The following DGKD variants were observed in gnomAD, a reference collection of about 807,000 sequenced individuals.
DGKD encodes the protein DAG kinase delta.
DGKD carries 68 observed loss-of-function variants against 154.4 expected under a neutral mutation model. The observed-to-expected ratio is 0.44, with a 90% CI of 0.36 to 0.54. The LOEUF (loss-of-function observed/expected upper bound fraction) is 0.54, where lower values mean the gene tolerates loss of function less well. DGKD is among the 20% of genes least tolerant of loss of function. The probability of loss-of-function intolerance (pLI) is 0.00; values close to 1 mark genes in which losing one functional copy is unlikely to be tolerated. For synonymous variants in DGKD, 693 were observed against 638.0 expected (o/e 1.09, Z -1.30); for missense variants, 1,343 against 1,593.6 (o/e 0.84, Z 2.68).
chr2:233,451,115 A>C, intron 17 of DGKD, 65 bp downstream of exon 17: 1 of 1,546,960 alleles, frequency 6.5e-7, no homozygotes, highest in Non-Finnish European at 8.8e-7. Flanking sequence ...CGTCAAACTG[A>C]AAGAGATGGG....
intron 1 of DGKD, among the ~76,000 whole-genome samples, chr2:233,385,085 C>T (rs1439086732): frequency 6.6e-6 from 1 of 152,226 alleles, no homozygotes; most frequent in Non-Finnish European, 1.5e-5. Flanking sequence ...CAACCTCACC[C>T]TGTGCTTGGG....
At chr2:233,400,045 C>T (rs997034982) in intron 3 of DGKD, among the ~76,000 whole-genome samples, 1 of 152,220 alleles carries the variant, frequency 6.6e-6, no homozygotes, top group Non-Finnish European at 1.5e-5. Context: ...ATGATCACAG[C>T]ACCCCTGCAG....
rs369685273 is a variant in DGKD, at chr2:233,446,718, C to T, written c.1341C>T (p.Ser447=). Residue 447 remains serine (S), a synonymous_variant, in exon 12 of 30, where the codon AGC becomes AGT. Transcript: ENST00000264057. Reference sequence around the variant, plus strand: ...GCTGACCTTGTGTGTGCAGGTGGAGCGTCATGGCATACGAGGCCAAGCTCC... The same window carrying T: ...GCTGACCTTGTGTGTGCAGGTGGAGTGTCATGGCATACGAGGCCAAGCTCC... ...RASTKMLDRW[S]VMAYEAKLPR... 115 of 1,613,590 alleles carry T rather than the reference C, an allele frequency of 7.1e-5. No individual in the cohort carries two copies. Among genetic ancestry groups the T allele is most frequent in the Admixed American group, 3.8e-4 (23 of 59,982 alleles).
At chr2:233,453,734 G>C (rs1178511074) in intron 18 of DGKD, among the ~76,000 whole-genome samples, 1 of 152,198 alleles carries the variant, frequency 6.6e-6, no homozygotes, top group East Asian at 1.9e-4. Context: ...ACCCCAGTGT[G>C]ACCCTGGGGT....
At chr2:233,415,471 GT>G (rs1378979295) in intron 3 of DGKD, among the ~76,000 whole-genome samples, 4 of 152,164 alleles carry the variant, frequency 2.6e-5, no homozygotes, top group African/African-American at 7.2e-5. Flanking sequence ...TGGAGACCCA[GT>G]ATTTTAGCTA....
intron 3 of DGKD, among the ~76,000 whole-genome samples, chr2:233,422,190 G>A (rs1014461041): frequency 2.6e-5 from 4 of 152,208 alleles, no homozygotes; most frequent in African/African-American, 9.6e-5. Flanking sequence ...GGGCTGGCCC[G>A]CCCCACCCAG....
chr2:233,397,587 A>G (rs1178890959), intron 3 of DGKD, among the ~76,000 whole-genome samples: 1 of 148,710 alleles, frequency 6.7e-6, no homozygotes, highest in Non-Finnish European at 1.5e-5. Flanking sequence ...AGTGGCTGGC[A>G]GAGGCCAGAG....
chr2:233,394,690 C>CTTTTTTTTTTTTTTTTTTTTTTTTTTT (rs1703879704), intron 3 of DGKD, among the ~76,000 whole-genome samples: 4 of 83,250 alleles, frequency 4.8e-5, no homozygotes, highest in Non-Finnish European at 9.4e-5. Flanking sequence ...AATTTAATTC[C>CTTTTTTTTTTTTTTTTTTTTTTTTTTT]CTTTTTTTTT....
At chr2:233,363,233 G>T (rs1049030281) in intron 1 of DGKD, among the ~76,000 whole-genome samples, 2 of 152,208 alleles carry the variant, frequency 1.3e-5, no homozygotes, top group African/African-American at 4.8e-5. Context: ...GGGATAGGAT[G>T]TGGAGGCGGA....
chr2:233,450,034 C>G lies in DGKD; in HGVS notation c.1941C>G (p.Gly647=), dbSNP rs144271540. 1 of 1,613,814 alleles carries G rather than the reference C, an allele frequency of 6.2e-7. No individual in the cohort carries two copies. The highest frequency in any genetic ancestry group is 1.3e-5 in the African/African-American group (1 of 75,002). The change falls in exon 16 of 30, where the codon GGC becomes GGG. Residue 647 remains glycine (G), a synonymous_variant. Coordinates refer to ENST00000264057, the MANE Select transcript of DGKD (RefSeq NM_152879.3). ...AGGAGCAGGAGGGCTTCGTCCTGGG[C>G]CTCTCTGAGTCAGAGGAGAAGATGG... The part of the protein sequence containing the change: ...QTQEQEGFVL[G]LSESEEKMDH...
intron 3 of DGKD, among the ~76,000 whole-genome samples, chr2:233,409,899 T>C (rs2061784157): frequency 6.7e-6 from 1 of 149,726 alleles, no homozygotes; most frequent in South Asian, 2.2e-4. Context: ...TGGTGTAGAA[T>C]GTGCCCTGTG....
intron 1 of DGKD, among the ~76,000 whole-genome samples, chr2:233,370,966 G>T (rs2125398643): frequency 6.6e-6 from 1 of 151,682 alleles, no homozygotes; most frequent in African/African-American, 2.4e-5. Flanking sequence ...TATCCAGGTT[G>T]GTCTCGAACA....
chr2:233,406,080 T>C (rs1218982971), intron 3 of DGKD, among the ~76,000 whole-genome samples: 1 of 152,242 alleles, frequency 6.6e-6, no homozygotes, highest in Non-Finnish European at 1.5e-5. Flanking sequence ...TCCCAGCTCC[T>C]GGTAATTCCA....
rs777684144 is a variant in DGKD at position 233,459,814 on chromosome 2, G to A, written c.2752G>A (p.Gly918Arg). The change falls in exon 23 of 30, where the codon GGA (glycine) becomes AGA (arginine). Residue 918 changes from glycine (G) to arginine (R), a missense_variant. By Grantham distance (125) the Gly-to-Arg change is moderately radical. Around this residue, in one of 6 missense-constraint regions of DGKD, gnomAD observed 429 missense variants for 496.3 expected, o/e 0.86. Coordinates refer to ENST00000264057, the MANE Select transcript of DGKD (RefSeq NM_152879.3). This position sits in a 1 kb window ranked among gnomAD's most constrained non-coding sequence, Gnocchi z 5.7. ...TGAGGGCGTGCCTGTGCAGGTGGACGGAGAGGCCTGGGTCCAGCCGCCAGG... is the reference window on the plus strand; with the variant it reads ...TGAGGGCGTGCCTGTGCAGGTGGACAGAGAGGCCTGGGTCCAGCCGCCAGG... ...GDEGVPVQVDGEAWVQPPGYI... is the reference protein window; with the variant it reads ...GDEGVPVQVDREAWVQPPGYI... 3 of 1,614,100 alleles carry A rather than the reference G, an allele frequency of 1.9e-6. No homozygotes were observed. The highest frequency in any genetic ancestry group is 8.5e-7 in the Non-Finnish European group (1 of 1,180,006).
In DGKD at chr2:233,446,699, C is replaced by T; in HGVS notation, c.1335-13C>T. 1 of 1,612,866 alleles carries T rather than the reference C, an allele frequency of 6.2e-7. No homozygotes were observed. ...ACGTCTTGCCGCCTGTGCAGCTGAC[C>T]TTGTGTGTGCAGGTGGAGCGTCATG... On this transcript the variant is annotated splice_polypyrimidine_tract_variant and intron_variant, in intron 11 of 29. Transcript: ENST00000264057.
intron 12 of DGKD, 101 bp from the exon 13 acceptor site, chr2:233,447,986 C>T: frequency 6.4e-7 from 1 of 1,573,090 alleles, no homozygotes; most frequent in Non-Finnish European, 8.6e-7. Context: ...TCATCTTTCC[C>T]AGCTTGTGCT....
chr2:233,451,011 G>A lies in DGKD; in HGVS notation c.2128G>A (p.Asp710Asn), dbSNP rs559849900. 8.7e-6 allele frequency: 14 copies of A among 1,612,332 alleles called. No individual in the cohort carries two copies. Among genetic ancestry groups the A allele is most frequent in the Non-Finnish European group, 1.2e-5 (14 of 1,178,504 alleles). The stretch of plus-strand genomic sequence containing the variant: ...CCTTCCGCCCCAGCCGGGAAGCCGG[G>A]ACGGCCTGCCTGCGCTCAACACCAA... ...ASLPPQPGSRDGLPALNTKIL... is the reference protein window; with the variant it reads ...ASLPPQPGSRNGLPALNTKIL... Residue 710 changes from aspartate (D) to asparagine (N), a missense_variant, in exon 17 of 30, where the codon GAC becomes AAC. This residue lies in a region of DGKD where 409 missense variants were observed against 446.0 expected (regional missense o/e 0.92). Coordinates refer to ENST00000264057, the MANE Select transcript of DGKD (RefSeq NM_152879.3).
intron 3 of DGKD, among the ~76,000 whole-genome samples, chr2:233,412,455 C>A (rs1461496499): frequency 2.6e-5 from 4 of 152,140 alleles, no homozygotes. Flanking sequence ...GATTTTGTGA[C>A]CTTGCAAAAT....
intron 1 of DGKD, among the ~76,000 whole-genome samples, chr2:233,387,735 C>T (rs1348128913): frequency 6.6e-6 from 1 of 152,080 alleles, no homozygotes; most frequent in South Asian, 2.1e-4. Context: ...GATGCACACG[C>T]CAGGCCTGTG....
Sources: gnomAD v4.1 joint callset for allele counts (sites outside exome capture counted in the v4.1 genomes callset) on GRCh38, gnomAD v4.1.1 for gene constraint, gnomAD v4.1.1 regional missense constraint, Gnocchi (gnomAD v3.1) non-coding constraint, MANE v1.5 for transcripts, NCBI Gene and HGNC (gene_info 2026-07-23, HGNC 2026-07-21) for gene names.